The following CLIC5 variants were observed in gnomAD, a reference collection of about 807,000 sequenced individuals.
CLIC5 encodes chloride intracellular channel protein 5.
In CLIC5, 20 loss-of-function variants were observed where a neutral mutation model predicts 24.7. The ratio of observed to expected loss-of-function variants is 0.81; its 90% CI spans 0.57 to 1.18. The LOEUF (loss-of-function observed/expected upper bound fraction) is 1.18. Among genes scored for constraint, CLIC5 ranks in the 50% most tolerant of loss-of-function variants. The pLI is 0.00. For synonymous variants in CLIC5, 159 were observed against 135.6 expected, an observed-to-expected ratio of 1.17 and a Z score of -1.20; for missense variants, 341 against 326.1, an observed-to-expected ratio of 1.05 and a Z score of -0.35.
intron 1 of CLIC5, among the ~76,000 whole-genome samples, chr6:45,995,549 T>C (rs1766103031): frequency 6.6e-6 from 1 of 152,210 alleles, no homozygotes; most frequent in African/African-American, 2.4e-5. Context: ...TGGGTTGACA[T>C]TTCTGTTTTC....
At chr6:46,018,717 C>T (rs1767089121), upstream of CLIC5, 2 of 152,082 alleles carry the variant, frequency 1.3e-5, no homozygotes, top group Non-Finnish European at 2.9e-5. Context: ...TAAATTTTTA[C>T]CAGGAAAGTA....
intron 2 of CLIC5, 109 bp downstream of exon 2, chr6:45,955,026 C>T (rs1010996510): frequency 2.2e-5 from 15 of 696,366 alleles, no homozygotes; most frequent in African/African-American, 1.1e-4. Flanking sequence ...TGGACAATGA[C>T]GTGTGAGCAG....
At chr6:45,911,658 A>T (rs1236558061) in intron 5 of CLIC5, 9 of 985,246 alleles carry the variant, frequency 9.1e-6, no homozygotes, top group African/African-American at 1.7e-5. Flanking sequence ...CAGGATTTTA[A>T]AGGGCAGAAT....
At chr6:46,090,692 C>A in the CLIC5 span, among the ~76,000 whole-genome samples, 1 of 152,322 alleles carries the variant, frequency 6.6e-6, no homozygotes, top group East Asian at 1.9e-4. Flanking sequence ...TATTAACTCA[C>A]ATACTTATTT....
intron 1 of CLIC5, among the ~76,000 whole-genome samples, chr6:46,072,310 G>T (rs1762630875): frequency 6.6e-6 from 1 of 151,798 alleles, no homozygotes; most frequent in Admixed American, 6.6e-5. Flanking sequence ...CTAGGGAGAT[G>T]GATGACTCTA....
At chr6:45,927,200 T>C (rs985929270) in intron 4 of CLIC5, among the ~76,000 whole-genome samples, 2 of 152,072 alleles carry the variant, frequency 1.3e-5, no homozygotes, top group Non-Finnish European at 2.9e-5. Flanking sequence ...TGATGGACCA[T>C]CTGCCCTGGG....
chr6:45,999,693 C>T (rs1193994546), intron 1 of CLIC5, among the ~76,000 whole-genome samples: 1 of 151,806 alleles, frequency 6.6e-6, no homozygotes, highest in Non-Finnish European at 1.5e-5. Context: ...TGACCCACTC[C>T]CACTTAATGA....
chr6:45,885,451 T>C (rs1448145525), intron 6 of CLIC5, among the ~76,000 whole-genome samples: 1 of 152,226 alleles, frequency 6.6e-6, no homozygotes, highest in African/African-American at 2.4e-5. Context: ...CTAAATATTT[T>C]AGTCATGTTA....
At position 45,991,842 on chromosome 6, in the gene CLIC5, G is replaced by A. The variant is rs528361052; in HGVS notation, c.63+23638C>T. On this transcript the variant is annotated intron_variant, in intron 1 of 5. Transcript: ENST00000339561. ...AGGAGCTCAACACTGATACTTGACA[G>A]CCTTGTCAAACACAGCTATTGGTTG... Among the ~76,000 whole-genome samples the A allele has an allele frequency of 1.5e-4, 23 of 152,262 alleles. No homozygotes were observed. In the South Asian group the frequency reaches 4.8e-3, roughly 32 times the overall value.
At chr6:46,055,203 A>G (rs1184432679) in intron 1 of CLIC5, among the ~76,000 whole-genome samples, 7 of 152,184 alleles carry the variant, frequency 4.6e-5, no homozygotes, top group Admixed American at 3.3e-4. Flanking sequence ...TCCAGGTTCA[A>G]GTAATTCTCA....
chr6:45,963,713 G>A (rs564622857), intron 1 of CLIC5, among the ~76,000 whole-genome samples: 1 of 152,200 alleles, frequency 6.6e-6, no homozygotes, highest in African/African-American at 2.4e-5. Flanking sequence ...AATGTTGAAA[G>A]GCTTGCTTGG....
chr6:46,119,927 C>A, the CLIC5 span, among the ~76,000 whole-genome samples: 1 of 152,224 alleles, frequency 6.6e-6, no homozygotes, highest in African/African-American at 2.4e-5. Flanking sequence ...GTAAACAAAG[C>A]AGCCAGGAAG....
Position 45,901,353 on chromosome 6 carries a change from T to G in CLIC5, c.*1735A>C, listed in dbSNP as rs1342884615. 1 of 152,354 alleles carries G rather than the reference T, an allele frequency of 6.6e-6. No homozygotes were observed. The highest frequency in any genetic ancestry group is 2.1e-4 in the South Asian group (1 of 4,832). 9.4% of individuals were successfully genotyped at this position (152,354 alleles called of 1,614,324 possible). On this transcript the variant is annotated 3_prime_UTR_variant, in exon 6 of 6. Transcript: ENST00000339561. ...AAAGTTCCTCTTCCTCAATGGGCTC[T>G]AGGAGACCTCCTGCTTCCTCTCCTC...
chr6:45,972,553 C>T (rs568254470), intron 1 of CLIC5, among the ~76,000 whole-genome samples: 1 of 152,332 alleles, frequency 6.6e-6, no homozygotes, highest in African/African-American at 2.4e-5. Context: ...GGAGGAAATT[C>T]TGGGTTGTCT....
intron 1 of CLIC5, among the ~76,000 whole-genome samples, chr6:46,066,854 A>G (rs1581915246): frequency 6.6e-6 from 1 of 152,258 alleles, no homozygotes; most frequent in East Asian, 1.9e-4. Context: ...GAAGGAGAGG[A>G]GAAGGTGTTG....
intron 1 of CLIC5, among the ~76,000 whole-genome samples, chr6:45,968,803 T>C (rs1392974979): frequency 2.0e-5 from 3 of 152,178 alleles, no homozygotes; most frequent in African/African-American, 7.2e-5. Context: ...AGCAAGAATG[T>C]TTGGAGAAGC....
At chr6:46,010,749 C>T (rs988219643) in intron 1 of CLIC5, among the ~76,000 whole-genome samples, 1 of 152,214 alleles carries the variant, frequency 6.6e-6, no homozygotes, top group African/African-American at 2.4e-5. Flanking sequence ...CGCTAGCTCT[C>T]CAGGGATGTG....
intron 1 of CLIC5, among the ~76,000 whole-genome samples, chr6:45,990,091 G>C (rs1430129870): frequency 6.6e-6 from 1 of 152,198 alleles, no homozygotes; most frequent in Non-Finnish European, 1.5e-5. Context: ...CATCTGGAAA[G>C]TTGGGTCATG....
chr6:46,068,424 T>A (rs1762500642), intron 1 of CLIC5, among the ~76,000 whole-genome samples: 1 of 152,112 alleles, frequency 6.6e-6, no homozygotes, highest in Non-Finnish European at 1.5e-5. Context: ...GGGGGTAACT[T>A]ATTTCCTCCC....
Sources: gnomAD v4.1 joint callset for allele counts (sites outside exome capture counted in the v4.1 genomes callset) on GRCh38, gnomAD v4.1.1 for gene constraint, MANE v1.5 for transcripts, NCBI Gene and HGNC (gene_info 2026-07-23, HGNC 2026-07-21) for gene names.